TECTA: variants seen among roughly 807,000 people sequenced by gnomAD.
The protein encoded by TECTA is tectorin alpha, also known as alpha-tectorin.
TECTA carries 128 observed loss-of-function variants against 216.8 expected under a neutral mutation model. The observed-to-expected ratio is 0.59, with a 90% CI of 0.51 to 0.68. The LOEUF is 0.68. TECTA is among the 30% of genes least tolerant of loss of function. The probability of loss-of-function intolerance (pLI) is 0.00; values close to 1 mark genes in which losing one functional copy is unlikely to be tolerated. For missense variants in TECTA, 2,551 were observed against 2,786.2 expected (o/e 0.92, Z 1.90); for synonymous variants, 1,089 against 1,117.1 (o/e 0.97, Z 0.50).
rs114860925 is a variant in TECTA, at chr11:121,104,226, T to C, written c.64+1497T>C. Among the ~76,000 whole-genome samples, 972 of 152,234 alleles carry C rather than the reference T, an allele frequency of 6.4e-3. 12 individuals carry two copies. The highest frequency in any genetic ancestry group is 0.022 in the African/African-American group (929 of 41,494). On this transcript the variant is annotated intron_variant, in intron 2 of 23. Coordinates refer to ENST00000392793, the MANE Select transcript of TECTA (RefSeq NM_005422.4). ...TTCAGAAATAAGTACCTGTGTATAA[T>C]ACTGTAGTAGAGATTATAAAGATTT... is the stretch of plus-strand genomic sequence containing the variant.
intron 10 of TECTA, among the ~76,000 whole-genome samples, chr11:121,133,868 T>G (rs1015354415): frequency 2.0e-5 from 3 of 152,216 alleles, no homozygotes; most frequent in African/African-American, 7.2e-5. Context: ...TTGCAACTAA[T>G]AAGCAACCCA....
chr11:121,175,425 T>C (rs1335098962), intron 20 of TECTA, among the ~76,000 whole-genome samples: 1 of 152,188 alleles, frequency 6.6e-6, no homozygotes. Context: ...AGAACATCTT[T>C]ATTTCTGCCT....
Position 121,118,661 on chromosome 11 carries a change from A to G in TECTA, c.1146A>G (p.Ser382=), listed in dbSNP as rs1413365040. 1.2e-6 allele frequency: 2 copies of G among 1,614,006 alleles called. No homozygotes were observed. Among genetic ancestry groups the G allele is most frequent in the Non-Finnish European group, 1.7e-6 (2 of 1,180,052 alleles). Residue 382 remains serine, a synonymous_variant, in exon 7 of 24, where the codon TCA becomes TCG. Coordinates refer to ENST00000392793, the MANE Select transcript of TECTA (RefSeq NM_005422.4). ...GSAVSWVKEL[S]VEVNGYKILI... Reference sequence around the variant, plus strand: ...CCGTCTCCTGGGTGAAGGAGCTCTCAGTGGAGGTGAATGGCTACAAGATTC... The same window carrying G: ...CCGTCTCCTGGGTGAAGGAGCTCTCGGTGGAGGTGAATGGCTACAAGATTC...
chr11:121,165,134 TGC>T, intron 16 of TECTA, 137 bp from the exon 17 acceptor site: 1 of 800,916 alleles, frequency 1.2e-6, no homozygotes, highest in Admixed American at 2.0e-5. Context: ...TCTGGAAGGT[TGC>T]CCTGTCTGTT....
intron 20 of TECTA, 35 bp from the exon 21 acceptor site, chr11:121,187,795 CAT>C: frequency 6.2e-7 from 1 of 1,612,776 alleles, no homozygotes; most frequent in Non-Finnish European, 8.5e-7. Flanking sequence ...AAGAGGAAAA[CAT>C]GTGAAGCAAA....
chr11:121,117,648 T>C lies in TECTA; in HGVS notation c.791-658T>C, dbSNP rs557505421. 5.9e-5 allele frequency among the ~76,000 whole-genome samples: 9 copies of C among 152,362 alleles called. No homozygotes were observed. In the East Asian group the frequency reaches 1.7e-3, roughly 29 times the overall value. On this transcript the variant is annotated intron_variant, in intron 6 of 23. Transcript: ENST00000392793. The stretch of plus-strand genomic sequence containing the variant: ...CATAGACAGAGAGAAGTCCTGGACT[T>C]GGACAGGGCCCTAGAGTGGGAAAGA...
intron 10 of TECTA, 96 bp downstream of exon 10, chr11:121,130,307 C>A: frequency 7.2e-7 from 1 of 1,390,576 alleles, no homozygotes; most frequent in Non-Finnish European, 9.8e-7. Flanking sequence ...TGGGACTGAG[C>A]TCAAGGGTGA....
At chr11:121,114,636 T>G in intron 6 of TECTA, among the ~76,000 whole-genome samples, 1 of 53,538 alleles carries the variant, frequency 1.9e-5, no homozygotes, top group South Asian at 8.2e-4. Context: ...CACCCACCCA[T>G]CCACCCACCC....
At chr11:121,190,279 T>G (rs775334817) in intron 23 of TECTA, among the ~76,000 whole-genome samples, 2 of 152,130 alleles carry the variant, frequency 1.3e-5, no homozygotes, top group Non-Finnish European at 2.9e-5. Context: ...CTCTCTTCCT[T>G]TTTGAGATGG....
Position 121,168,026 on chromosome 11 carries a change from C to T in TECTA, c.5587-28C>T, listed in dbSNP as rs79376037. 2.9e-3 allele frequency: 4,743 copies of T among 1,613,956 alleles called. 109 individuals are homozygous for T. The African/African-American group carries it at 0.054, about 18-fold the overall frequency. On this transcript the variant is annotated intron_variant, in intron 18 of 23. Transcript: ENST00000392793. ...GCTACATACTCACTCCCAGATGTAA[C>T]GATTTCTGACTTCCCCTTGTTCTGC...
intron 20 of TECTA, among the ~76,000 whole-genome samples, chr11:121,177,924 A>ATTT: frequency 6.6e-6 from 1 of 151,980 alleles, no homozygotes; most frequent in Non-Finnish European, 1.5e-5. Flanking sequence ...TTGCAGTTTG[A>ATTT]TCTCAGACTG....
At chr11:121,165,677 T>C (rs1947046452) in intron 17 of TECTA, among the ~76,000 whole-genome samples, 2 of 152,222 alleles carry the variant, frequency 1.3e-5, no homozygotes, top group Admixed American at 6.5e-5. Context: ...GGAAATAGGG[T>C]ATTTTGATGC....
chr11:121,171,974 C>A (rs1432391659), intron 20 of TECTA, among the ~76,000 whole-genome samples: 2 of 151,974 alleles, frequency 1.3e-5, no homozygotes, highest in Non-Finnish European at 2.9e-5. Flanking sequence ...GAGTGAGCAC[C>A]CAGGAATTGT....
At position 121,189,146 on chromosome 11, in the gene TECTA, G is replaced by C. The variant is rs761205056; in HGVS notation, c.6229G>C (p.Val2077Leu). 6.2e-7 allele frequency: 1 copy of C among 1,614,114 alleles called. No individual in the cohort carries two copies. Among genetic ancestry groups the C allele is most frequent in the East Asian group, 2.2e-5 (1 of 44,882 alleles). Residue 2077 changes from valine (V) to leucine (L), a missense_variant, in exon 22 of 24, where the codon GTG becomes CTG. Val to Leu is a conservative substitution (Grantham distance 32, BLOSUM62 1). Coordinates refer to ENST00000392793, the MANE Select transcript of TECTA (RefSeq NM_005422.4). ...AGAGCCCAAAGAACAGATCATTTCA[G>C]TGGGACCTATTAGGAGAAAAAGTAT... The part of the protein sequence containing the change: ...TKEPKEQIIS[V>L]GPIRRKRLDW...
chr11:121,189,147 T>C lies in TECTA; in HGVS notation c.6230T>C (p.Val2077Ala). ...TKEPKEQIIS[V>A]GPIRRKRLDW... ...GAGCCCAAAGAACAGATCATTTCAG[T>C]GGGACCTATTAGGAGAAAAAGTATG... is the stretch of plus-strand genomic sequence containing the variant. The change falls in exon 22 of 24, where the codon GTG becomes GCG. Residue 2077 changes from valine to alanine, a missense_variant. Coordinates refer to ENST00000392793, the MANE Select transcript of TECTA (RefSeq NM_005422.4). The C allele has an allele frequency of 6.2e-7, 1 of 1,614,112 alleles. No homozygotes were observed. Among genetic ancestry groups the C allele is most frequent in the Non-Finnish European group, 8.5e-7 (1 of 1,179,972 alleles).
At chr11:121,152,825 A>G in intron 12 of TECTA, 56 bp from the exon 13 acceptor site, 2 of 1,549,648 alleles carry the variant, frequency 1.3e-6, no homozygotes, top group Non-Finnish European at 1.8e-6. Context: ...GCCATGAGAA[A>G]ACCCTCCTCG....
chr11:121,163,679 T>A (rs899317454), intron 16 of TECTA, among the ~76,000 whole-genome samples: 4 of 152,184 alleles, frequency 2.6e-5, no homozygotes, highest in Admixed American at 1.3e-4. Flanking sequence ...GTCAGGAATT[T>A]AAAAAAATAC....
intron 4 of TECTA, among the ~76,000 whole-genome samples, chr11:121,112,759 T>C (rs1946453951): frequency 6.6e-6 from 1 of 152,198 alleles, no homozygotes; most frequent in Non-Finnish European, 1.5e-5. Flanking sequence ...TATAGGTGCT[T>C]TCATATTATC....
Position 121,105,813 on chromosome 11 carries a change from C to G in TECTA, c.65-18C>G, listed in dbSNP as rs745553144. The G allele has an allele frequency of 6.2e-7, 1 of 1,614,058 alleles. No homozygotes were observed. Among genetic ancestry groups the G allele is most frequent in the Non-Finnish European group, 8.5e-7 (1 of 1,179,996 alleles). ...CAGAGGGAGCTGCCATCTATCTAAC[C>G]ATCATCTCTCTTGACAGCTCAGCCC... On this transcript the variant is annotated intron_variant, in intron 2 of 23. Transcript: ENST00000392793. This position sits in a 1 kb window ranked among gnomAD's most constrained non-coding sequence, Gnocchi z 5.3.
Sources: gnomAD v4.1 joint callset for allele counts (sites outside exome capture counted in the v4.1 genomes callset) on GRCh38, gnomAD v4.1.1 for gene constraint, Gnocchi (gnomAD v3.1) non-coding constraint, MANE v1.5 for transcripts, NCBI Gene and HGNC (gene_info 2026-07-23, HGNC 2026-07-21) for gene names.